PCDHA11: variants seen among roughly 807,000 people sequenced by gnomAD.
The protein encoded by PCDHA11 is protocadherin alpha-11.
PCDHA11 carries 61 observed loss-of-function variants against 70.3 expected under a neutral mutation model. The observed-to-expected ratio is 0.87, with a 90% CI of 0.71 to 1.07. The LOEUF is 1.07. Ranked by LOEUF, PCDHA11 falls within the 50% of genes least tolerant of loss-of-function variation. The probability of loss-of-function intolerance (pLI) is 0.00; values close to 1 mark genes in which losing one functional copy is unlikely to be tolerated. For synonymous variants in PCDHA11, 633 were observed against 555.1 expected, an observed-to-expected ratio of 1.14 and a Z score of -1.97; for missense variants, 1,324 against 1,237.5, an observed-to-expected ratio of 1.07 and a Z score of -1.05.
In PCDHA11 at chr5:140,990,889, G is replaced by A. The variant is rs569864202; in HGVS notation, c.2539+8326G>A. Among the ~76,000 whole-genome samples, 53 of 152,284 alleles carry A rather than the reference G, an allele frequency of 3.5e-4. 2 individuals are homozygous for A. The South Asian group carries it at 8.3e-3, about 24-fold the overall frequency. Reference sequence around the variant, plus strand: ...TTTAAGTGTATGTTCCAGTGAGTGGGTCGTTGCTGGGTCAAGTTTTATAAG... The same window carrying A: ...TTTAAGTGTATGTTCCAGTGAGTGGATCGTTGCTGGGTCAAGTTTTATAAG... On this transcript the variant is annotated intron_variant, in intron 3 of 3. Transcript: ENST00000398640.
intron 3 of PCDHA11, among the ~76,000 whole-genome samples, chr5:140,999,478 T>C (rs2097859281): frequency 6.6e-6 from 1 of 152,172 alleles, no homozygotes; most frequent in Non-Finnish European, 1.5e-5. Flanking sequence ...AGATTCCAAC[T>C]CAAGTCTATG....
intron 1 of PCDHA11, among the ~76,000 whole-genome samples, chr5:140,931,177 A>G (rs1288307941): frequency 1.3e-5 from 2 of 152,200 alleles, no homozygotes; most frequent in African/African-American, 4.8e-5. Context: ...ATTTTAGGGA[A>G]GGAAATTGGT....
chr5:140,905,617 G>T (rs1019062717), intron 1 of PCDHA11, among the ~76,000 whole-genome samples: 8 of 152,116 alleles, frequency 5.3e-5, no homozygotes, highest in Non-Finnish European at 1.5e-5. Context: ...TCTATAGATT[G>T]CTTTTGACAG....
At chr5:140,967,643 A>G in intron 1 of PCDHA11, 1 of 1,614,164 alleles carries the variant, frequency 6.2e-7, no homozygotes, top group East Asian at 2.2e-5. Flanking sequence ...TGGTGAGCTC[A>G]GGTACTCCTT....
At chr5:140,966,922 G>C (rs782206344) in intron 1 of PCDHA11, 7 of 1,602,954 alleles carry the variant, frequency 4.4e-6, no homozygotes, top group Non-Finnish European at 5.9e-6. Context: ...CAGAGGAGCA[G>C]GCACCCGGCG....
chr5:140,951,889 G>A (rs2094649080), intron 1 of PCDHA11, among the ~76,000 whole-genome samples: 1 of 152,142 alleles, frequency 6.6e-6, no homozygotes, highest in Non-Finnish European at 1.5e-5. Flanking sequence ...ACTCTCTTCT[G>A]CCTATGAGCC....
At chr5:140,897,915 T>C (rs2066399470) in intron 1 of PCDHA11, among the ~76,000 whole-genome samples, 1 of 152,246 alleles carries the variant, frequency 6.6e-6, no homozygotes. Context: ...ATTGTGGTTT[T>C]GATTTGCGTT....
chr5:140,872,785 C>A (rs781982200), intron 1 of PCDHA11, among the ~76,000 whole-genome samples: 1 of 152,072 alleles, frequency 6.6e-6, no homozygotes, highest in Non-Finnish European at 1.5e-5. Context: ...ATAATATATG[C>A]TAGTTGGCAT....
intron 1 of PCDHA11, among the ~76,000 whole-genome samples, chr5:140,915,915 T>C (rs782614078): frequency 1.3e-5 from 2 of 152,158 alleles, no homozygotes; most frequent in Non-Finnish European, 2.9e-5. Context: ...GGCCCAGAGA[T>C]GCTACTTGGG....
chr5:140,882,462 G>C (rs1487611246), intron 1 of PCDHA11: 1 of 1,613,916 alleles, frequency 6.2e-7, no homozygotes, highest in Non-Finnish European at 8.5e-7. Context: ...CGCCTGTTCC[G>C]GGTGGCGTCC....
Position 140,967,255 on chromosome 5 carries a change from T to C in PCDHA11, c.2392-11694T>C, listed in dbSNP as rs202164321. ...TTCAGGTAAGCGAATCGGTGGCGCC[T>C]GGAGCGCGCTTTCACATAGAGAGTG... On this transcript the variant is annotated intron_variant, in intron 1 of 3. Coordinates refer to ENST00000398640, the MANE Select transcript of PCDHA11 (RefSeq NM_018902.5). The C allele has an allele frequency of 1.8e-4, 297 of 1,613,460 alleles. 1 individual carries two copies. The East Asian group carries it at 6.5e-3, about 35-fold the overall frequency.
chr5:140,884,253 C>G (rs1356283866), intron 1 of PCDHA11: 2 of 1,613,302 alleles, frequency 1.2e-6, no homozygotes, highest in Non-Finnish European at 1.7e-6. Flanking sequence ...CTGACGGCCA[C>G]GGCAACGGTG....
intron 1 of PCDHA11, chr5:140,883,247 A>C: frequency 6.2e-7 from 1 of 1,614,084 alleles, no homozygotes; most frequent in Non-Finnish European, 8.5e-7. Context: ...TGACAAAGGA[A>C]ATATTCCAAT....
chr5:140,988,025 G>A (rs1305100946), intron 3 of PCDHA11, among the ~76,000 whole-genome samples: 1 of 152,136 alleles, frequency 6.6e-6, no homozygotes, highest in African/African-American at 2.4e-5. Context: ...TGATTCTTAA[G>A]TTTTTTAGAA....
chr5:140,884,113 G>T (rs782579609), intron 1 of PCDHA11: 15 of 1,613,390 alleles, frequency 9.3e-6, no homozygotes, highest in Admixed American at 3.3e-5. Context: ...AGCTGGCGGC[G>T]GTCGGCGCGC....
At chr5:140,883,485 CATT>C in intron 1 of PCDHA11, 1 of 1,614,190 alleles carries the variant, frequency 6.2e-7, no homozygotes. Flanking sequence ...AACTACTACT[CATT>C]AGTGCTGGAC....
chr5:140,980,432 C>A (rs1228010505), intron 2 of PCDHA11, among the ~76,000 whole-genome samples: 1 of 152,118 alleles, frequency 6.6e-6, no homozygotes, highest in East Asian at 1.9e-4. Context: ...GAGATCGAGA[C>A]CATCCTGGAC....
At chr5:140,982,207 C>T (rs868956427) in intron 2 of PCDHA11, 8 of 429,564 alleles carry the variant, frequency 1.9e-5, no homozygotes, top group East Asian at 1.5e-4. Flanking sequence ...ATTTAGTGAG[C>T]GCCACATGGC....
rs545409584 is a variant in PCDHA11, at chr5:140,952,105, G to A, written c.2392-26844G>A. 3.3e-5 allele frequency among the ~76,000 whole-genome samples: 5 copies of A among 152,218 alleles called. 1 individual carries two copies. Among genetic ancestry groups the A allele is most frequent in the African/African-American group, 4.8e-5 (2 of 41,536 alleles). ...CATGTCTCACATCCAGGGCACACTC[G>A]TGTGAGGGATGGGCTCCCAAGGCCT... is the stretch of plus-strand genomic sequence containing the variant. On this transcript the variant is annotated intron_variant, in intron 1 of 3. Coordinates refer to ENST00000398640, the MANE Select transcript of PCDHA11 (RefSeq NM_018902.5).
Sources: gnomAD v4.1 joint callset for allele counts (sites outside exome capture counted in the v4.1 genomes callset) on GRCh38, gnomAD v4.1.1 for gene constraint, MANE v1.5 for transcripts, NCBI Gene and HGNC (gene_info 2026-07-23, HGNC 2026-07-21) for gene names.